The following HYI variants were observed in gnomAD, a reference collection of about 807,000 sequenced individuals.
HYI encodes putative hydroxypyruvate isomerase.
Under a neutral mutation model 39.7 loss-of-function variants are expected in HYI, and 47 were observed. That is an observed-to-expected ratio of 1.18 (90% CI 0.94 to 1.51). The LOEUF (loss-of-function observed/expected upper bound fraction) is 1.51. Among genes scored for constraint, HYI ranks in the 40% most tolerant of loss-of-function variants. The probability of loss-of-function intolerance (pLI) is 0.00; values close to 1 mark genes in which losing one functional copy is unlikely to be tolerated. For missense variants in HYI, 465 were observed against 370.3 expected (o/e 1.26, Z -2.10); for synonymous variants, 186 against 158.8 (o/e 1.17, Z -1.29).
Position 43,453,433 on chromosome 1 carries a change from C to T in HYI, c.264G>A (p.Glu88=), listed in dbSNP as rs751640782. 11 of 1,563,082 alleles carry T rather than the reference C, an allele frequency of 7.0e-6. No individual in the cohort carries two copies. The South Asian group carries it at 1.2e-4, about 17-fold the overall frequency. The change falls in exon 2 of 8, where the codon GAG becomes GAA. Residue 88 remains glutamate (E), a synonymous_variant. Coordinates refer to ENST00000372430, the MANE Select transcript of HYI (RefSeq NM_001190880.3). ...CATACCGCACGGCCTGCTCCAGTCC[C>T]TCTCGGAAGGCCGCCTGTCTCCCGG... is the stretch of plus-strand genomic sequence containing the variant. ...AVPGRQAAFR[E]GLEQAVRYAK...
chr1:43,453,643 C>A lies in HYI; in HGVS notation c.151G>T (p.Ala51Ser). Residue 51 changes from alanine to serine, a missense_variant, in exon 1 of 8, where the codon GCC becomes TCC. Physicochemically the swap from Ala to Ser is moderately conservative, Grantham distance 99 (BLOSUM62 1). Coordinates refer to ENST00000372430, the MANE Select transcript of HYI (RefSeq NM_001190880.3). The stretch of plus-strand genomic sequence containing the variant: ...AGCCGCAGCCCCGCTTCTCGCGCGG[C>A]GCGCGCCAGCGCCTCAGGCGTCTCC... ...YAETPEALARAAREAGLRLVL... is the reference protein window; with the variant it reads ...YAETPEALARSAREAGLRLVL... 2 of 1,490,000 alleles carry A rather than the reference C, an allele frequency of 1.3e-6. No homozygotes were observed. The highest frequency in any genetic ancestry group is 8.9e-7 in the Non-Finnish European group (1 of 1,127,298). 92.3% of individuals were successfully genotyped at this position (1,490,000 alleles called of 1,614,324 possible). A position where few individuals can be genotyped will look rare whatever the true frequency, so the allele number is the denominator to read the frequency against.
At chr1:43,453,252 G>T in intron 2 of HYI, 134 bp downstream of exon 2, 1 of 665,074 alleles carries the variant, frequency 1.5e-6, no homozygotes, top group Non-Finnish European at 2.6e-6. Context: ...AATTTACAAA[G>T]GACCAGGACC....
rs919346908 is a variant in HYI at position 43,451,606 on chromosome 1, T to C, written c.625+42A>G. 5 of 1,613,504 alleles carry C rather than the reference T, an allele frequency of 3.1e-6. No individual in the cohort carries two copies. In the Admixed American group the frequency reaches 6.7e-5, roughly 22 times the overall value. On this transcript the variant is annotated intron_variant, in intron 6 of 7. Transcript: ENST00000372430. Reference sequence around the variant, plus strand: ...CCTGCCAGGGCCTGAAGGACAGATGTGGGGATTGAAAGGGTGGGAGGGCAA... The same window carrying C: ...CCTGCCAGGGCCTGAAGGACAGATGCGGGGATTGAAAGGGTGGGAGGGCAA...
At chr1:43,452,718 C>T (rs1395669786) in intron 2 of HYI, 4 of 628,156 alleles carry the variant, frequency 6.4e-6, no homozygotes, top group Non-Finnish European at 1.1e-5. Flanking sequence ...GTTTTCTGCC[C>T]CCACCATTGA....
Position 43,453,576 on chromosome 1 carries a change from CT to C in HYI, c.199+18del, listed in dbSNP as rs758374529. 6.1e-5 allele frequency: 93 copies of C among 1,520,044 alleles called. 1 individual carries two copies. The South Asian group carries it at 8.2e-4, about 13-fold the overall frequency. The allele number at this position is 1,520,044 out of a possible 1,614,324, so 94.2% of individuals were successfully genotyped here. ...CCGGCACCCCCCAGCCCTCCCAGCC[CT>C]CCCGGCCCGCGACGCACCCGGGGGC... is the stretch of plus-strand genomic sequence containing the variant. On this transcript the variant is annotated intron_variant, in intron 1 of 7. Coordinates refer to ENST00000372430, the MANE Select transcript of HYI (RefSeq NM_001190880.3).
At chr1:43,452,357 GCT>G in intron 2 of HYI, 38 bp from the exon 3 acceptor site, 4 of 1,499,704 alleles carry the variant, frequency 2.7e-6, no homozygotes, top group Non-Finnish European at 2.8e-6. Flanking sequence ...GCCTCCCTTG[GCT>G]CTCTCTGCAC....
chr1:43,453,137 C>G, intron 2 of HYI: 1 of 691,148 alleles, frequency 1.4e-6, no homozygotes, highest in Middle Eastern at 2.4e-4. Context: ...TATTTACTCT[C>G]CTATCTGCCT....
At position 43,451,823 on chromosome 1, in the gene HYI, C is replaced by T. The variant is rs1398005746; in HGVS notation, c.530G>A (p.Gly177Glu). 2.5e-6 allele frequency: 4 copies of T among 1,613,950 alleles called. No individual in the cohort carries two copies. The highest frequency in any genetic ancestry group is 2.7e-5 in the African/African-American group (2 of 74,894). Residue 177 changes from glycine to glutamate, a missense_variant, in exon 5 of 8, where the codon GGA (glycine) becomes GAA (glutamate). By Grantham distance (98) the Gly-to-Glu change is moderately conservative (BLOSUM62 -2). Transcript: ENST00000372430. ...CATTTGTAATTGGAGGTTGGGTCTT[C>T]CTACCTTCTGTAAGATGGCTGCCGC... Reference protein sequence around the residue: ...QQAAAILQKVGRPNLQLQMDI... With the variant: ...QQAAAILQKVERPNLQLQMDI...
rs772440950 is a variant in HYI at position 43,453,740 on chromosome 1, G to A, written c.54C>T (p.Ser18=). 7.2e-7 allele frequency: 1 copy of A among 1,387,046 alleles called. No individual in the cohort carries two copies. The highest frequency in any genetic ancestry group is 9.2e-7 in the Non-Finnish European group (1 of 1,082,568). 85.9% of individuals were successfully genotyped at this position (1,387,046 alleles called of 1,614,324 possible). A position where few individuals can be genotyped will look rare whatever the true frequency, so the allele number is the denominator to read the frequency against. The part of the protein sequence containing the change: ...ANLSWLFPEL[S]GLPARVRAAG... ...CGGCCCGCACCCGCGCGGGGAGGCC[G>A]GAGAGCTCGGGGAATAGCCAGGACA... Residue 18 remains serine, a synonymous_variant, in exon 1 of 8, where the codon TCC becomes TCT. Coordinates refer to ENST00000372430, the MANE Select transcript of HYI (RefSeq NM_001190880.3).
At position 43,453,746 on chromosome 1, in the gene HYI, C is replaced by T. The variant is rs940299786; in HGVS notation, c.48G>A (p.Glu16=). 3.6e-6 allele frequency: 5 copies of T among 1,381,976 alleles called. No individual in the cohort carries two copies. The highest frequency in any genetic ancestry group is 4.6e-6 in the Non-Finnish European group (5 of 1,079,900). 85.6% of individuals were successfully genotyped at this position (1,381,976 alleles called of 1,614,324 possible). A position where few individuals can be genotyped will look rare whatever the true frequency, so the allele number is the denominator to read the frequency against. ...GCACCCGCGCGGGGAGGCCGGAGAG[C>T]TCGGGGAATAGCCAGGACAGATTGG... ...FSANLSWLFP[E]LSGLPARVRA... is the part of the protein sequence containing the mutation. Residue 16 remains glutamate, a synonymous_variant, in exon 1 of 8, where the codon GAG becomes GAA. Transcript: ENST00000372430.
rs369407159 is a variant in HYI, at chr1:43,453,492, G to C, written c.205C>G (p.Gln69Glu). The C allele has an allele frequency of 1.1e-5, 17 of 1,553,712 alleles. No individual in the cohort carries two copies. The African/African-American group carries it at 2.3e-4, about 21-fold the overall frequency. Residue 69 changes from glutamine (Q) to glutamate (E), a missense_variant, in exon 2 of 8, where the codon CAA becomes GAA. By Grantham distance (29) the Gln-to-Glu change is conservative. Coordinates refer to ENST00000372430, the MANE Select transcript of HYI (RefSeq NM_001190880.3). ...CCCAGCCCCATTTCCCCCTTCTCTT[G>C]GTCTCCTGCAGAGAGAACGGGCCTC... ...LVLINTPPGDQEKGEMGLGAV... is the reference protein window; with the variant it reads ...LVLINTPPGDEEKGEMGLGAV...
In HYI at chr1:43,451,475, T is replaced by TA. The variant is rs1429524671; in HGVS notation, c.694dup (p.Tyr232LeufsTer9). 6.2e-7 allele frequency: 1 copy of TA among 1,614,078 alleles called. No individual in the cohort carries two copies. Among genetic ancestry groups the TA allele is most frequent in the African/African-American group, 1.3e-5 (1 of 75,038 alleles). ...TTCATCTTCCAGCAGTTGAAACAGA[T>TA]AGGGGAAATTCAGCTCTCCGGGGCT... On this transcript the variant is annotated frameshift_variant, in exon 7 of 8. Transcript: ENST00000372430. LOFTEE classifies it high-confidence loss of function.
rs1396964889 is a variant in HYI, at chr1:43,453,704, C to T, written c.90G>A (p.Ser30=). 1.3e-5 allele frequency: 19 copies of T among 1,421,030 alleles called. No homozygotes were observed. The highest frequency in any genetic ancestry group is 1.7e-5 in the Non-Finnish European group (19 of 1,097,364). The allele number at this position is 1,421,030 out of a possible 1,614,324, so 88.0% of individuals were successfully genotyped here. A position where few individuals can be genotyped will look rare whatever the true frequency, so the allele number is the denominator to read the frequency against. ...AGGCCACCTCGACGGCCTCGAAGCCCGAGCTGCCCGCGGCCCGCACCCGCG... is the reference window on the plus strand; with the variant it reads ...AGGCCACCTCGACGGCCTCGAAGCCTGAGCTGCCCGCGGCCCGCACCCGCG... ...LPARVRAAGS[S]GFEAVEVAWP... Residue 30 remains serine (S), a synonymous_variant, in exon 1 of 8, where the codon TCG becomes TCA. Transcript: ENST00000372430.
rs1221078368 is a variant in HYI at position 43,453,114 on chromosome 1, G to A, written c.311+272C>T. The A allele has an allele frequency of 1.6e-5, 12 of 735,862 alleles. No homozygotes were observed. The East Asian group carries it at 3.2e-4, about 20-fold the overall frequency. 45.6% of individuals were successfully genotyped at this position (735,862 alleles called of 1,614,324 possible). A position where few individuals can be genotyped will look rare whatever the true frequency, so the allele number is the denominator to read the frequency against. ...TCCTGGAATAGGCCTGTCCTCAAATGCATCACTGTATATATTTACTCTCCT... is the reference window on the plus strand; with the variant it reads ...TCCTGGAATAGGCCTGTCCTCAAATACATCACTGTATATATTTACTCTCCT... On this transcript the variant is annotated intron_variant, in intron 2 of 7. Coordinates refer to ENST00000372430, the MANE Select transcript of HYI (RefSeq NM_001190880.3).
chr1:43,450,835 C>T (rs986539673), downstream of HYI: 3 of 710,984 alleles, frequency 4.2e-6, no homozygotes, highest in Admixed American at 5.2e-5. This position sits in a 1 kb window ranked among gnomAD's most constrained non-coding sequence, Gnocchi z 4.3. Context: ...ATCCTGCCCC[C>T]TAGCCTTTGA....
chr1:43,452,335 A>C lies in HYI; in HGVS notation c.312-16T>G, dbSNP rs780737189. ...CAGGTGGATCCTGTGGGGAAGATGG[A>C]CTGGAGGCCTTGCCTCCCTTGGCTC... On this transcript the variant is annotated splice_polypyrimidine_tract_variant and intron_variant, in intron 2 of 7. Coordinates refer to ENST00000372430, the MANE Select transcript of HYI (RefSeq NM_001190880.3). The C allele has an allele frequency of 1.3e-6, 2 of 1,598,952 alleles. No individual in the cohort carries two copies. The highest frequency in any genetic ancestry group is 3.3e-5 in the Admixed American group (2 of 59,780).
rs900376082 is a variant in HYI, at chr1:43,452,773, C to T, written c.312-454G>A. On this transcript the variant is annotated intron_variant, in intron 2 of 7. Coordinates refer to ENST00000372430, the MANE Select transcript of HYI (RefSeq NM_001190880.3). ...GCCAGTTCCTTCTGAGCCTGTTTGG[C>T]CTCTGCAGGATTTGACATTTGAATC... is the stretch of plus-strand genomic sequence containing the variant. 42 of 921,014 alleles carry T rather than the reference C, an allele frequency of 4.6e-5. No homozygotes were observed. In the Admixed American group the frequency reaches 8.8e-4, roughly 19 times the overall value. The allele number at this position is 921,014 out of a possible 1,614,324, so 57.1% of individuals were successfully genotyped here. A position where few individuals can be genotyped will look rare whatever the true frequency, so the allele number is the denominator to read the frequency against.
chr1:43,451,246 C>A lies in HYI; in HGVS notation c.826G>T (p.Gly276Cys). 6.2e-7 allele frequency: 1 copy of A among 1,614,014 alleles called. No individual in the cohort carries two copies. The highest frequency in any genetic ancestry group is 1.3e-5 in the African/African-American group (1 of 75,054). The change falls in exon 8 of 8, where the codon GGC becomes TGC. Residue 276 changes from glycine to cysteine, a missense_variant. Coordinates refer to ENST00000372430, the MANE Select transcript of HYI (RefSeq NM_001190880.3). The stretch of plus-strand genomic sequence containing the variant: ...GGGTGGTGTGCGGGCCCTCACTGGC[C>A]AGCCTCTGGGTGGCCCCGCCTATCC... ...YWDRRGHPEA[G>C]Q
chr1:43,452,989 C>T (rs761527914), intron 2 of HYI: 2 of 1,579,876 alleles, frequency 1.3e-6, no homozygotes, highest in Admixed American at 3.4e-5. Flanking sequence ...TCCTGCCCAT[C>T]AAGCAATGCC....
Sources: gnomAD v4.1 joint callset for allele counts on GRCh38, gnomAD v4.1.1 for gene constraint, Gnocchi (gnomAD v3.1) non-coding constraint, MANE v1.5 for transcripts, NCBI Gene and HGNC (gene_info 2026-07-23, HGNC 2026-07-21) for gene names.